DLGAP2: variants seen among roughly 807,000 people sequenced by gnomAD.
DLGAP2 encodes disks large-associated protein 2.
In DLGAP2, 26 loss-of-function variants were observed where a neutral mutation model predicts 100.3. The ratio of observed to expected loss-of-function variants is 0.26; its 90% CI spans 0.19 to 0.36. DLGAP2 has a LOEUF of 0.36. Among genes scored for constraint, DLGAP2 ranks in the 10% least tolerant of loss-of-function variants. The pLI is 1.00. For missense variants in DLGAP2, 1,858 were observed against 1,453.2 expected, an observed-to-expected ratio of 1.28 and a Z score of -4.53; for synonymous variants, 886 against 630.1, an observed-to-expected ratio of 1.41 and a Z score of -6.08.
chr8:768,733 T>C (rs1487708587), intron 1 of DLGAP2, among the ~76,000 whole-genome samples: 1 of 152,134 alleles, frequency 6.6e-6, no homozygotes, highest in Non-Finnish European at 1.5e-5. Flanking sequence ...TTGACTCTGA[T>C]TGAGCCCACA....
intron 1 of DLGAP2, among the ~76,000 whole-genome samples, chr8:837,891 T>G (rs1253344082): frequency 1.2e-4 from 16 of 135,988 alleles, no homozygotes; most frequent in South Asian, 2.3e-4. Context: ...TAGTTGTTTT[T>G]TGTTTTTTTT....
chr8:1,581,015 TACAC>T (rs201623924), intron 6 of DLGAP2, among the ~76,000 whole-genome samples: 1 of 122,632 alleles, frequency 8.2e-6, no homozygotes, highest in Non-Finnish European at 1.7e-5. Context: ...CCCACACATA[TACAC>T]ACACACCACA....
At chr8:1,628,468 C>T (rs1423897908) in intron 7 of DLGAP2, among the ~76,000 whole-genome samples, 4 of 109,718 alleles carry the variant, frequency 3.6e-5, no homozygotes, top group Admixed American at 8.7e-5. Context: ...AATTAAGAGC[C>T]TGAGCTGACC....
Position 1,683,834 on chromosome 8 carries a change from CTATATATATA to C in DLGAP2, c.2704+5219_2704+5228del, listed in dbSNP as rs35210879. Among the ~76,000 whole-genome samples the C allele has an allele frequency of 3.0e-3, 166 of 56,198 alleles. 7 individuals are homozygous for C. Among genetic ancestry groups the C allele is most frequent in the South Asian group, 0.024 (28 of 1,156 alleles). 36.9% of individuals were successfully genotyped at this position (56,198 alleles called of 152,430 possible). A position where few individuals can be genotyped will look rare whatever the true frequency, so the allele number is the denominator to read the frequency against. ...CCTGATTTTCCTTGTCTTTGCTCCA[CTATATATATA>C]TATATATATATATGTGTGTGTGTGT... On this transcript the variant is annotated intron_variant, in intron 12 of 14. Coordinates refer to ENST00000637795, the MANE Select transcript of DLGAP2 (RefSeq NM_001346810.2).
intron 2 of DLGAP2, among the ~76,000 whole-genome samples, chr8:1,078,739 C>G (rs1803705036): frequency 6.6e-6 from 1 of 152,120 alleles, no homozygotes; most frequent in South Asian, 2.1e-4. Flanking sequence ...GGCATTATAA[C>G]TCATTTCTTT....
At chr8:1,657,386 C>G (rs183796453) in intron 8 of DLGAP2, among the ~76,000 whole-genome samples, 3 of 152,334 alleles carry the variant, frequency 2.0e-5, no homozygotes, top group Admixed American at 1.3e-4. Flanking sequence ...TAAACGCATG[C>G]TAGGCGTGCA....
intron 2 of DLGAP2, among the ~76,000 whole-genome samples, chr8:973,730 A>G (rs980856774): frequency 2.6e-5 from 4 of 152,176 alleles, no homozygotes; most frequent in South Asian, 2.1e-4. Context: ...TTTATCGGAT[A>G]GTGTTGGAGA....
chr8:955,779 G>A (rs1416451667), intron 2 of DLGAP2, among the ~76,000 whole-genome samples: 1 of 152,156 alleles, frequency 6.6e-6, no homozygotes, highest in African/African-American at 2.4e-5. Flanking sequence ...GGGAAGAATG[G>A]ACATATTCCC....
At chr8:1,138,013 G>T (rs762852561) in intron 2 of DLGAP2, among the ~76,000 whole-genome samples, 2 of 152,064 alleles carry the variant, frequency 1.3e-5, no homozygotes, top group Non-Finnish European at 2.9e-5. Context: ...TAGGATTACA[G>T]GCGTGAGCCA....
intron 2 of DLGAP2, among the ~76,000 whole-genome samples, chr8:1,030,860 G>A (rs1801951717): frequency 6.6e-6 from 1 of 152,190 alleles, no homozygotes; most frequent in Non-Finnish European, 1.5e-5. Flanking sequence ...CTGGAGGAAA[G>A]AGACAAAACA....
chr8:1,268,162 G>A (rs189996338), intron 3 of DLGAP2, among the ~76,000 whole-genome samples: 1 of 152,224 alleles, frequency 6.6e-6, no homozygotes, highest in East Asian at 1.9e-4. Flanking sequence ...AGAGGTTCAG[G>A]TATTCTGGCA....
chr8:1,558,813 A>G (rs1584926162), intron 5 of DLGAP2, among the ~76,000 whole-genome samples: 2 of 151,896 alleles, frequency 1.3e-5, no homozygotes, highest in South Asian at 2.1e-4. Context: ...ACATAAACAC[A>G]CATACGCACA....
Position 1,691,616 on chromosome 8 carries a change from A to G in DLGAP2, c.2786A>G (p.Gln929Arg), listed in dbSNP as rs1202451346. Residue 929 changes from glutamine to arginine, a missense_variant, in exon 13 of 15, where the codon CAA (glutamine) becomes CGA (arginine). By Grantham distance (43) the Gln-to-Arg change is conservative. Transcript: ENST00000637795. The part of the protein sequence containing the change: ...QKFQQFYWLC[Q>R]QNMDPSAMPR... ...TTCCAGCAGTTTTATTGGCTTTGCC[A>G]ACAGAATATGGTAAGTGAATCCTCA... 1.7e-5 allele frequency: 28 copies of G among 1,613,846 alleles called. No homozygotes were observed. The highest frequency in any genetic ancestry group is 2.7e-5 in the African/African-American group (2 of 75,048).
chr8:1,246,202 T>C (rs1798897919), intron 2 of DLGAP2, among the ~76,000 whole-genome samples: 2 of 152,202 alleles, frequency 1.3e-5, no homozygotes, highest in Admixed American at 1.3e-4. Flanking sequence ...ATGTGGGTAA[T>C]TGGCCCAGAC....
chr8:1,054,397 T>C (rs1394853093), intron 2 of DLGAP2, among the ~76,000 whole-genome samples: 3 of 152,224 alleles, frequency 2.0e-5, no homozygotes, highest in African/African-American at 7.2e-5. Flanking sequence ...TGGACTTTAC[T>C]CTTGGCTCCA....
intron 6 of DLGAP2, among the ~76,000 whole-genome samples, chr8:1,570,281 C>A (rs1186704274): frequency 1.3e-5 from 2 of 152,242 alleles, no homozygotes; most frequent in Non-Finnish European, 2.9e-5. Flanking sequence ...GGGTTTCACC[C>A]ACGTGAACGC....
chr8:1,342,636 T>A (rs1167202991), intron 3 of DLGAP2, among the ~76,000 whole-genome samples: 1 of 152,244 alleles, frequency 6.6e-6, no homozygotes, highest in Non-Finnish European at 1.5e-5. Flanking sequence ...GCAAGTGCGT[T>A]ATCACATGCG....
At chr8:1,274,209 T>C (rs1443056773) in intron 3 of DLGAP2, among the ~76,000 whole-genome samples, 7 of 151,972 alleles carry the variant, frequency 4.6e-5, no homozygotes, top group Non-Finnish European at 1.0e-4. Context: ...CAAATAAATC[T>C]TAAACTTATT....
chr8:1,370,215 A>T (rs113073553), intron 3 of DLGAP2, among the ~76,000 whole-genome samples: 30 of 151,776 alleles, frequency 2.0e-4, no homozygotes, highest in African/African-American at 6.3e-4. Context: ...AGAGTGGCCG[A>T]CTCTGAAGGC....
Sources: allele counts gnomAD v4.1 joint callset (sites outside exome capture counted in the v4.1 genomes callset), GRCh38; gene constraint gnomAD v4.1.1; transcripts MANE v1.5; gene names NCBI Gene and HGNC (gene_info 2026-07-23, HGNC 2026-07-21).